CA10: variants seen among roughly 807,000 people sequenced by gnomAD.
The protein encoded by CA10 is carbonic anhydrase-related protein 10.
CA10 carries 14 observed loss-of-function variants against 44.2 expected under a neutral mutation model. That is an observed-to-expected ratio of 0.32 (90% CI 0.21 to 0.50). CA10 has a LOEUF of 0.50. CA10 is among the 20% of genes least tolerant of loss of function. CA10 has a pLI of 0.99. For synonymous variants in CA10, 159 were observed against 141.6 expected, an observed-to-expected ratio of 1.12 and a Z score of -0.87; for missense variants, 350 against 409.7, an observed-to-expected ratio of 0.85 and a Z score of 1.26.
chr17:52,010,285 A>G (rs1207414359), intron 2 of CA10, among the ~76,000 whole-genome samples: 1 of 152,052 alleles, frequency 6.6e-6, no homozygotes, highest in Non-Finnish European at 1.5e-5. Context: ...TTATAGAAAA[A>G]AGATACTTGT....
intron 2 of CA10, among the ~76,000 whole-genome samples, chr17:52,066,304 C>T (rs141090933): frequency 1.3e-5 from 2 of 152,158 alleles, no homozygotes; most frequent in African/African-American, 4.8e-5. Flanking sequence ...TGTTGAATGG[C>T]TTTGATCAAA....
intron 2 of CA10, among the ~76,000 whole-genome samples, chr17:51,963,599 C>A (rs1294847316): frequency 1.3e-5 from 2 of 152,128 alleles, no homozygotes; most frequent in African/African-American, 4.8e-5. Flanking sequence ...TCAGGAGAGG[C>A]TGGGGTCTAT....
intron 4 of CA10, among the ~76,000 whole-genome samples, chr17:51,668,595 G>C (rs1914291899): frequency 6.6e-6 from 1 of 152,210 alleles, no homozygotes; most frequent in Admixed American, 6.5e-5. Flanking sequence ...GTACTGTCCT[G>C]ATATTGAGAG....
intron 3 of CA10, among the ~76,000 whole-genome samples, chr17:51,844,469 A>C (rs933216410): frequency 6.6e-6 from 1 of 152,220 alleles, no homozygotes; most frequent in Non-Finnish European, 1.5e-5. Flanking sequence ...ATAAATTTTC[A>C]ATGTAAAATC....
intron 2 of CA10, among the ~76,000 whole-genome samples, chr17:51,966,258 A>G (rs558386056): frequency 4.1e-4 from 63 of 152,146 alleles, no homozygotes; most frequent in African/African-American, 1.4e-3. Context: ...TGGAAGGATC[A>G]ATATTTTTAA....
chr17:52,127,289 T>C (rs928670747), intron 1 of CA10, among the ~76,000 whole-genome samples: 2 of 152,222 alleles, frequency 1.3e-5, no homozygotes, highest in African/African-American at 4.8e-5. Flanking sequence ...TTCTAGCATA[T>C]TCTTTTTCAC....
At chr17:52,076,309 G>A (rs1255752104) in intron 1 of CA10, among the ~76,000 whole-genome samples, 1 of 152,208 alleles carries the variant, frequency 6.6e-6, no homozygotes, top group Non-Finnish European at 1.5e-5. Context: ...CATCCAGAAA[G>A]TTGCAAAACA....
chr17:52,003,644 G>C (rs1459705375), intron 2 of CA10, among the ~76,000 whole-genome samples: 1 of 151,856 alleles, frequency 6.6e-6, no homozygotes, highest in Non-Finnish European at 1.5e-5. Flanking sequence ...AATGATACTG[G>C]AGTAGGAGAA....
intron 3 of CA10, among the ~76,000 whole-genome samples, chr17:51,797,063 G>T (rs1906738102): frequency 6.6e-6 from 1 of 152,102 alleles, no homozygotes; most frequent in Non-Finnish European, 1.5e-5. Context: ...GTTTCTGCCA[G>T]AACAGCTGCC....
At chr17:51,636,775 T>TGTGTGTGTGTG (rs1555577669) in intron 6 of CA10, among the ~76,000 whole-genome samples, 176 of 146,618 alleles carry the variant, frequency 1.2e-3, no homozygotes, top group African/African-American at 3.8e-3. Context: ...ACTGATTATT[T>TGTGTGTGTGTG]TGTGTGTGTG....
In CA10 at chr17:52,134,585, G is replaced by T. The variant is rs564411375; in HGVS notation, c.61+23141C>A. Among the ~76,000 whole-genome samples, 6 of 152,256 alleles carry T rather than the reference G, an allele frequency of 3.9e-5. No homozygotes were observed. In the South Asian group the frequency reaches 1.0e-3, roughly 26 times the overall value. On this transcript the variant is annotated intron_variant, in intron 1 of 8. Transcript: ENST00000451037. ...ACCAGCAGCTAGTAATAGTGGTTCT[G>T]CCAATATTAGTTAAAAATAATAATA...
At chr17:52,037,790 G>T (rs755483542) in intron 2 of CA10, among the ~76,000 whole-genome samples, 13 of 151,976 alleles carry the variant, frequency 8.6e-5, no homozygotes, top group Non-Finnish European at 1.8e-4. Flanking sequence ...TGTGCCTTTG[G>T]TCATCCTGCT....
intron 1 of CA10, among the ~76,000 whole-genome samples, chr17:52,098,964 T>C (rs1279260187): frequency 1.3e-5 from 2 of 152,288 alleles, no homozygotes; most frequent in East Asian, 3.9e-4. Flanking sequence ...GAATTTATAT[T>C]CTGCTGGGGT....
chr17:52,001,245 C>T (rs560322593), intron 2 of CA10, among the ~76,000 whole-genome samples: 1 of 151,938 alleles, frequency 6.6e-6, no homozygotes, highest in African/African-American at 2.4e-5. Flanking sequence ...GCAACAGAGG[C>T]CTGTGTGGCT....
At chr17:51,936,408 C>G (rs959808328) in intron 2 of CA10, among the ~76,000 whole-genome samples, 3 of 152,044 alleles carry the variant, frequency 2.0e-5, no homozygotes, top group Admixed American at 6.5e-5. Context: ...GTAGCATGGT[C>G]AAGGGTGGTC....
intron 3 of CA10, among the ~76,000 whole-genome samples, chr17:51,904,748 G>A (rs1981468886): frequency 1.3e-5 from 2 of 152,022 alleles, no homozygotes; most frequent in Non-Finnish European, 2.9e-5. Flanking sequence ...TCTATTATTT[G>A]CAGGCTTGGT....
chr17:51,809,118 A>G (rs1462918317), intron 3 of CA10, among the ~76,000 whole-genome samples: 2 of 152,144 alleles, frequency 1.3e-5, no homozygotes, highest in Non-Finnish European at 2.9e-5. Context: ...AATGATGCAA[A>G]TAAAAGGAAC....
intron 4 of CA10, among the ~76,000 whole-genome samples, chr17:51,682,592 A>T (rs76035687): frequency 0.072 from 10,998 of 152,238 alleles, 1,353 homozygotes; most frequent in African/African-American, 0.25. Context: ...GAGAATTCAA[A>T]AAACCCAGCG....
At chr17:52,124,727 T>C (rs762660735) in intron 1 of CA10, among the ~76,000 whole-genome samples, 1 of 152,152 alleles carries the variant, frequency 6.6e-6, no homozygotes, top group Non-Finnish European at 1.5e-5. Context: ...TGCTGTTTCA[T>C]CCTCAATGCC....
Sources: gnomAD v4.1 joint callset for allele counts (sites outside exome capture counted in the v4.1 genomes callset) on GRCh38, gnomAD v4.1.1 for gene constraint, MANE v1.5 for transcripts, NCBI Gene and HGNC (gene_info 2026-07-23, HGNC 2026-07-21) for gene names.